The following IL25 variants were observed in gnomAD, a reference collection of about 807,000 sequenced individuals.
IL25 encodes interleukin-25.
In IL25, 10 loss-of-function variants were observed where a neutral mutation model predicts 13.2. That is an observed-to-expected ratio of 0.76 (90% confidence interval 0.47 to 1.29). The LOEUF is 1.29. Among genes scored for constraint, IL25 ranks in the 50% most tolerant of loss-of-function variants. The pLI, the probability that IL25 is intolerant of heterozygous loss-of-function variation, is 0.00. For missense variants in IL25, 235 were observed against 232.4 expected (o/e 1.01, Z -0.07); for synonymous variants, 107 against 92.1 (o/e 1.16, Z -0.93).
intron 1 of IL25, among the ~76,000 whole-genome samples, 160 bp from the exon 3 acceptor site, chr14:23,375,465 G>A (rs1054275940): frequency 3.9e-5 from 6 of 152,172 alleles, no homozygotes; most frequent in Non-Finnish European, 7.3e-5. Context: ...ATAAAGGAGG[G>A]AGGTGACTTG....
At chr14:23,372,923 TGTCA>T in exon 1 of IL25, 1 of 1,594,454 alleles carries the variant, frequency 6.3e-7, no homozygotes, top group Non-Finnish European at 8.6e-7. Context: ...CCACGAGGCC[TGTCA>T]GTCAGTGCCC....
chr14:23,375,472 C>G (rs1343373928), intron 1 of IL25, among the ~76,000 whole-genome samples, 153 bp from the exon 3 acceptor site: 3 of 152,196 alleles, frequency 2.0e-5, no homozygotes, highest in Admixed American at 6.5e-5. Flanking sequence ...AGGGAGGTGA[C>G]TTGTTCAAAG....
At position 23,375,604 on chromosome 14, in the gene IL25, TGAC is replaced by T. The variant is rs760489052; in HGVS notation, c.279-20_279-18del. The T allele has an allele frequency of 6.2e-7, 1 of 1,607,204 alleles. No homozygotes were observed. Among genetic ancestry groups the T allele is most frequent in the South Asian group, 1.1e-5 (1 of 90,754 alleles). On this transcript the variant is annotated intron_variant, in intron 1 of 1. Coordinates refer to ENST00000329715, the Ensembl canonical transcript of IL25. ...GTTTCCGGCCCATCTTTCCAAGGCC[TGAC>T]AAGTGCCGCCCCCACAGGTTGGACA...
chr14:23,373,370 C>A, exon 1 of IL25: 1 of 1,613,136 alleles, frequency 6.2e-7, no homozygotes, highest in Non-Finnish European at 8.5e-7. Flanking sequence ...CCCTCAACAG[C>A]AGGGCCATCT....
intron 1 of IL25, among the ~76,000 whole-genome samples, chr14:23,374,713 T>A (rs927413176): frequency 2.4e-5 from 3 of 123,112 alleles, no homozygotes; most frequent in African/African-American, 1.1e-4. Flanking sequence ...GTGTTTTTCA[T>A]CTTTCTTTCT....
intron 1 of IL25, among the ~76,000 whole-genome samples, chr14:23,374,589 T>C (rs1890488715): frequency 6.6e-6 from 1 of 152,240 alleles, no homozygotes; most frequent in African/African-American, 2.4e-5. Context: ...GGAAGTGATG[T>C]GCTAGCTAAT....
exon 1 of IL25, chr14:23,372,932 G>C (rs1462641761): frequency 1.2e-6 from 2 of 1,606,312 alleles, no homozygotes; most frequent in African/African-American, 1.3e-5. Context: ...CTGTCAGTCA[G>C]TGCCCCACTT....
intron 1 of IL25, 105 bp from the exon 3 acceptor site, chr14:23,375,520 C>G: frequency 7.2e-7 from 1 of 1,391,086 alleles, no homozygotes. Flanking sequence ...GACAAGAGGC[C>G]AAGGCCCCAG....
chr14:23,375,952 C>T, exon 2 of IL25: 1 of 1,560,346 alleles, frequency 6.4e-7, no homozygotes, highest in Non-Finnish European at 8.7e-7. Flanking sequence ...CCATGAAGGG[C>T]CAGGATGCCC....
At chr14:23,373,858 A>C (rs1421887915) in intron 1 of IL25, among the ~76,000 whole-genome samples, 1 of 152,194 alleles carries the variant, frequency 6.6e-6, no homozygotes, top group African/African-American at 2.4e-5. Context: ...AAAGGAGTGA[A>C]ACCCTTAACT....
At chr14:23,372,921 C>T (rs1204411256) in exon 1 of IL25, 8 of 1,589,516 alleles carry the variant, frequency 5.0e-6, no homozygotes, top group South Asian at 4.4e-5. Flanking sequence ...TTCCACGAGG[C>T]CTGTCAGTCA....
At chr14:23,376,199 G>A in exon 2 of IL25, 1 of 341,310 alleles carries the variant, frequency 2.9e-6, no homozygotes, top group Non-Finnish European at 5.4e-6. Context: ...CCCTGGCCCA[G>A]CACAGGCACT....
exon 2 of IL25, chr14:23,376,293 T>C (rs939678753): frequency 4.8e-6 from 1 of 209,052 alleles, no homozygotes; most frequent in African/African-American, 2.3e-5. Context: ...AGCATCTACT[T>C]TGGGTGCATT....
exon 1 of IL25, chr14:23,373,003 G>A: frequency 6.2e-7 from 1 of 1,614,032 alleles, no homozygotes; most frequent in South Asian, 1.1e-5. Context: ...CCTGAGGGCT[G>A]TGCTGAGAGG....
exon 1 of IL25, chr14:23,373,194 A>G (rs1890458812): frequency 6.2e-7 from 1 of 1,614,164 alleles, no homozygotes; most frequent in Non-Finnish European, 8.5e-7. Flanking sequence ...ATTCTTGGCA[A>G]TGGTCATGGG....
exon 1 of IL25, chr14:23,373,291 C>T (rs866029972): frequency 1.2e-6 from 2 of 1,614,056 alleles, no homozygotes; most frequent in Non-Finnish European, 1.7e-6. Flanking sequence ...AGCACTGTGC[C>T]TGTGCCTCCC....
At chr14:23,373,800 A>T (rs965134169) in intron 1 of IL25, among the ~76,000 whole-genome samples, 18 of 152,298 alleles carry the variant, frequency 1.2e-4, no homozygotes, top group Admixed American at 3.3e-4. Flanking sequence ...GCATCCCAAT[A>T]CCAATTGATA....
At chr14:23,375,830 T>C (rs1166373360) in exon 2 of IL25, 21 of 1,614,144 alleles carry the variant, frequency 1.3e-5, no homozygotes, top group Non-Finnish European at 1.7e-5. Flanking sequence ...GCGCAGGCTG[T>C]ACCGTGTTTC....
rs372408949 is a variant in IL25, at chr14:23,376,230, C to T, written c.*350C>T. On this transcript the variant is annotated 3_prime_UTR_variant, in exon 2 of 2. Transcript: ENST00000329715. ...GCACTTTCTAGATATTTCCCCCTTGCTGGAGAAGAAAGAGCCCCTGGTTTT... is the reference window on the plus strand; with the variant it reads ...GCACTTTCTAGATATTTCCCCCTTGTTGGAGAAGAAAGAGCCCCTGGTTTT... 31 of 278,654 alleles carry T rather than the reference C, an allele frequency of 1.1e-4. No individual in the cohort carries two copies. In the East Asian group the frequency reaches 1.8e-3, roughly 16 times the overall value. 17.3% of individuals were successfully genotyped at this position (278,654 alleles called of 1,614,324 possible).
Sources: allele counts gnomAD v4.1 joint callset (sites outside exome capture counted in the v4.1 genomes callset), GRCh38; gene constraint gnomAD v4.1.1; transcripts MANE v1.5; gene names NCBI Gene and HGNC (gene_info 2026-07-23, HGNC 2026-07-21).